MTHFS: variants seen among roughly 807,000 people sequenced by gnomAD.
MTHFS encodes the protein methenyltetrahydrofolate synthetase, also known as 5-formyltetrahydrofolate cyclo-ligase.
Under a neutral mutation model 12.7 loss-of-function variants are expected in MTHFS, and 7 were observed. The ratio of observed to expected loss-of-function variants is 0.55; its 90% CI spans 0.31 to 1.03. The LOEUF (loss-of-function observed/expected upper bound fraction) is 1.03. Ranked by LOEUF, MTHFS falls within the 50% of genes least tolerant of loss-of-function variation. The probability of loss-of-function intolerance (pLI) is 0.05; values close to 1 mark genes in which losing one functional copy is unlikely to be tolerated. For missense variants in MTHFS, 252 were observed against 258.1 expected (o/e 0.98, Z 0.16); for synonymous variants, 100 against 97.1 (o/e 1.03, Z -0.18).
intron 2 of MTHFS, among the ~76,000 whole-genome samples, chr15:79,888,628 A>G (rs2034419944): frequency 1.3e-5 from 2 of 152,236 alleles, no homozygotes; most frequent in Admixed American, 6.5e-5. Flanking sequence ...ACTTAACAAT[A>G]GACCACAGGT....
intron 2 of MTHFS, among the ~76,000 whole-genome samples, chr15:79,851,651 T>C (rs1051299880): frequency 6.6e-5 from 10 of 152,068 alleles, no homozygotes; most frequent in African/African-American, 1.4e-4. Flanking sequence ...GGAACTATTA[T>C]CCCCATTTCA....
chr15:79,844,475 C>T lies in MTHFS; in HGVS notation c.*735G>A, dbSNP rs1449686351. 1.3e-5 allele frequency among the ~76,000 whole-genome samples: 2 copies of T among 152,104 alleles called. No homozygotes were observed. Among genetic ancestry groups the T allele is most frequent in the Non-Finnish European group, 2.9e-5 (2 of 68,028 alleles). ...AATCCTCCCCACAACAAAATTATTG[C>T]TCCCTAGCTGTGTTGCCATCTGCCA... On this transcript the variant is annotated 3_prime_UTR_variant, in exon 3 of 3. Transcript: ENST00000258874.
chr15:79,849,694 TGCAAGA>T (rs2033678445), intron 2 of MTHFS, among the ~76,000 whole-genome samples: 1 of 152,276 alleles, frequency 6.6e-6, no homozygotes, highest in African/African-American at 2.4e-5. Context: ...CAGTGCAATG[TGCAAGA>T]GCCAACCTGC....
intron 2 of MTHFS, among the ~76,000 whole-genome samples, chr15:79,850,548 T>C (rs113579522): frequency 0.02 from 3,107 of 152,146 alleles, 93 homozygotes; most frequent in African/African-American, 0.07. Flanking sequence ...CAAAAACAGG[T>C]GGAGGGCCAG....
At chr15:79,858,393 G>T (rs2033849281) in intron 2 of MTHFS, among the ~76,000 whole-genome samples, 1 of 152,184 alleles carries the variant, frequency 6.6e-6, no homozygotes, top group African/African-American at 2.4e-5. Flanking sequence ...GTGGCCTATT[G>T]TATCAACCAC....
chr15:79,872,522 G>A (rs138996124), intron 2 of MTHFS, among the ~76,000 whole-genome samples: 3 of 152,194 alleles, frequency 2.0e-5, no homozygotes, highest in African/African-American at 4.8e-5. Context: ...TAGGGCTAGC[G>A]CTCAGGCAGT....
intron 2 of MTHFS, among the ~76,000 whole-genome samples, chr15:79,869,653 T>G (rs372552536): frequency 8.9e-4 from 135 of 152,222 alleles, no homozygotes; most frequent in African/African-American, 3.2e-3. Flanking sequence ...AGGCTAGTCT[T>G]AAATTCCTGG....
chr15:79,876,474 G>C (rs577501794), intron 2 of MTHFS: 4 of 151,908 alleles, frequency 2.6e-5, no homozygotes, highest in African/African-American at 9.7e-5. Flanking sequence ...AATTAGCCGG[G>C]CGTGGTGGCA....
chr15:79,870,880 T>C (rs1354400949), intron 2 of MTHFS, among the ~76,000 whole-genome samples: 1 of 152,238 alleles, frequency 6.6e-6, no homozygotes, highest in Non-Finnish European at 1.5e-5. Context: ...TGGTGGCTCA[T>C]GCTTGTATTC....
At chr15:79,881,443 GATA>G (rs2034293165) in intron 2 of MTHFS, among the ~76,000 whole-genome samples, 2 of 152,094 alleles carry the variant, frequency 1.3e-5, no homozygotes, top group Admixed American at 1.3e-4. Context: ...CGCTGCAAAA[GATA>G]AAATAGACAA....
intron 2 of MTHFS, among the ~76,000 whole-genome samples, chr15:79,858,113 T>G (rs868681664): frequency 1.3e-5 from 2 of 151,748 alleles, no homozygotes; most frequent in African/African-American, 4.8e-5. Context: ...ATTTAATGGA[T>G]TCAAATCAAT....
At chr15:79,882,207 TATC>T (rs2034307743) in intron 2 of MTHFS, among the ~76,000 whole-genome samples, 1 of 152,246 alleles carries the variant, frequency 6.6e-6, no homozygotes, top group African/African-American at 2.4e-5. Context: ...CATATTAAAA[TATC>T]ATACCATGTA....
chr15:79,876,604 G>C (rs1232036579), intron 2 of MTHFS: 120 of 122,316 alleles, frequency 9.8e-4, no homozygotes, highest in African/African-American at 3.7e-3. Context: ...GACAGTGTGA[G>C]ACTCCATCCC....
intron 2 of MTHFS, among the ~76,000 whole-genome samples, chr15:79,874,523 A>C (rs950053760): frequency 2.0e-5 from 3 of 152,144 alleles, no homozygotes; most frequent in Non-Finnish European, 2.9e-5. Context: ...TCTTATCTTT[A>C]CTTGATCTGA....
intron 2 of MTHFS, among the ~76,000 whole-genome samples, chr15:79,886,916 G>A (rs2034392250): frequency 1.3e-5 from 2 of 152,002 alleles, no homozygotes; most frequent in African/African-American, 2.4e-5. Context: ...CCATTTATTC[G>A]ATAGCTCCTA....
At chr15:79,896,730 GGAGGGGAAA>G in intron 1 of MTHFS, 133 bp downstream of exon 1, 2 of 967,012 alleles carry the variant, frequency 2.1e-6, no homozygotes, top group Admixed American at 8.3e-5. Flanking sequence ...GCGCGCGCCG[GGAGGGGAAA>G]CGTGCGCGCG....
intron 2 of MTHFS, among the ~76,000 whole-genome samples, chr15:79,883,018 C>T (rs1005782684): frequency 8.5e-5 from 13 of 152,176 alleles, no homozygotes; most frequent in Non-Finnish European, 1.6e-4. Context: ...TCAGCCTGGG[C>T]AACAGAGTAG....
Position 79,884,038 on chromosome 15 carries a change from C to T in MTHFS, c.379+5055G>A, listed in dbSNP as rs903935111. On this transcript the variant is annotated intron_variant, in intron 2 of 2. Coordinates refer to ENST00000258874, the MANE Select transcript of MTHFS (RefSeq NM_006441.4). ...CAACAATGGCATTTTTACTGAGCAC[C>T]TACTATGTGCCAAACACTAGTCAGA... Among the ~76,000 whole-genome samples the T allele has an allele frequency of 9.8e-5, 15 of 152,346 alleles. 1 individual carries two copies. The highest frequency in any genetic ancestry group is 1.9e-4 in the African/African-American group (8 of 41,574).
intron 2 of MTHFS, among the ~76,000 whole-genome samples, chr15:79,881,472 A>G (rs1168879876): frequency 6.6e-6 from 1 of 152,200 alleles, no homozygotes; most frequent in Non-Finnish European, 1.5e-5. Context: ...GAACAGGTCC[A>G]AGGAAGCCTA....
Sources: gnomAD v4.1 joint callset for allele counts (sites outside exome capture counted in the v4.1 genomes callset) on GRCh38, gnomAD v4.1.1 for gene constraint, MANE v1.5 for transcripts, NCBI Gene and HGNC (gene_info 2026-07-23, HGNC 2026-07-21) for gene names.